Variants in TG observed in about 807,000 individuals in gnomAD.
The protein encoded by TG is thyroglobulin, also known as thyroid hormones.
A neutral mutation model predicts 324.7 loss-of-function variants in TG; 270 were observed. The ratio of observed to expected loss-of-function variants is 0.83; its 90% CI spans 0.75 to 0.92. The LOEUF (loss-of-function observed/expected upper bound fraction) is 0.92. TG is among the 40% of genes least tolerant of loss of function. TG has a pLI of 0.00. For synonymous variants in TG, 1,401 were observed against 1,327.0 expected, an observed-to-expected ratio of 1.06 and a Z score of -1.21; for missense variants, 3,591 against 3,456.4, an observed-to-expected ratio of 1.04 and a Z score of -0.98.
intron 44 of TG, among the ~76,000 whole-genome samples, chr8:133,114,132 G>A (rs1259028228): frequency 2.0e-5 from 3 of 152,218 alleles, no homozygotes; most frequent in African/African-American, 4.8e-5. Context: ...CACCCGGCAC[G>A]TGGGAAGCAG....
intron 41 of TG, among the ~76,000 whole-genome samples, chr8:133,077,450 T>C (rs1193374476): frequency 6.6e-6 from 1 of 151,922 alleles, no homozygotes; most frequent in African/African-American, 2.4e-5. Context: ...GCCCGGGGTG[T>C]TTATGACCCT....
Position 132,944,878 on chromosome 8 carries a change from T to A in TG, c.5233+3336T>A, listed in dbSNP as rs186498209. Among the ~76,000 whole-genome samples, 16 of 152,190 alleles carry A rather than the reference T, an allele frequency of 1.1e-4. No homozygotes were observed. The East Asian group carries it at 1.7e-3, about 17-fold the overall frequency. On this transcript the variant is annotated intron_variant, in intron 26 of 47. Coordinates refer to ENST00000220616, the MANE Select transcript of TG (RefSeq NM_003235.5). ...AGAGAAGAGGGAAGGTGATGTTAAA[T>A]GGAAAGAATAGCATATGCAAAGTCC...
intron 16 of TG, among the ~76,000 whole-genome samples, chr8:132,902,741 G>GGTCTGCA (rs1270425373): frequency 6.6e-6 from 1 of 152,184 alleles, no homozygotes; most frequent in African/African-American, 2.4e-5. Flanking sequence ...ATCTAGGAGT[G>GGTCTGCA]GTCTGCACTG....
At chr8:133,046,752 CTTTCTGTACCCCAGCATA>C (rs148988749) in intron 41 of TG, among the ~76,000 whole-genome samples, 3,678 of 152,310 alleles carry the variant, frequency 0.024, 145 homozygotes, top group African/African-American at 0.084. Context: ...TTGCATTGAT[CTTTCTGTACCCCAGCATA>C]TTTGGGTTTT....
At chr8:132,904,587 A>G (rs565371343) in intron 16 of TG, among the ~76,000 whole-genome samples, 1 of 152,186 alleles carries the variant, frequency 6.6e-6, no homozygotes, top group African/African-American at 2.4e-5. Context: ...TGACATGGGG[A>G]ATAAGGCTGT....
At chr8:132,894,039 C>A in intron 11 of TG, 110 bp downstream of exon 11, 2 of 1,550,460 alleles carry the variant, frequency 1.3e-6, no homozygotes, top group Non-Finnish European at 1.8e-6. Flanking sequence ...CTTCCCCAGA[C>A]TGATGGGTTC....
chr8:132,988,917 A>G (rs1564046044), intron 35 of TG: 9 of 984,370 alleles, frequency 9.1e-6, no homozygotes, highest in Non-Finnish European at 1.1e-5. Flanking sequence ...GTTCATTTTC[A>G]CGTTGCTCAT....
At chr8:132,911,026 T>C (rs1206057074) in intron 18 of TG, among the ~76,000 whole-genome samples, 5 of 152,158 alleles carry the variant, frequency 3.3e-5, no homozygotes, top group Admixed American at 6.5e-5. Flanking sequence ...GTGGATGCTA[T>C]AGGGGTTCGG....
intron 25 of TG, among the ~76,000 whole-genome samples, chr8:132,939,763 G>C (rs1174570593): frequency 6.6e-6 from 1 of 151,438 alleles, no homozygotes; most frequent in Non-Finnish European, 1.5e-5. Flanking sequence ...TGCAACCTCT[G>C]CCTCCCAGGT....
At chr8:133,029,708 GAGC>G in intron 40 of TG, 110 bp from the exon 41 acceptor site, 1 of 1,296,396 alleles carries the variant, frequency 7.7e-7, no homozygotes, top group African/African-American at 1.5e-5. Flanking sequence ...GTGAGGACAA[GAGC>G]CCAGAGCCCC....
intron 45 of TG, among the ~76,000 whole-genome samples, chr8:133,128,889 C>T (rs574375693): frequency 4.6e-5 from 7 of 152,330 alleles, no homozygotes; most frequent in Non-Finnish European, 8.8e-5. Context: ...GGCAATGAAG[C>T]CACATGAGCA....
intron 22 of TG, among the ~76,000 whole-genome samples, chr8:132,925,373 A>G (rs1228199739): frequency 6.6e-6 from 1 of 152,194 alleles, no homozygotes; most frequent in African/African-American, 2.4e-5. Context: ...ATATGCATGC[A>G]TAGCCTACCT....
chr8:132,945,633 T>C (rs1297709751), intron 26 of TG, among the ~76,000 whole-genome samples: 1 of 152,096 alleles, frequency 6.6e-6, no homozygotes, highest in Non-Finnish European at 1.5e-5. Flanking sequence ...TGCAGTTTTC[T>C]AGGAGGAGGG....
chr8:133,104,476 C>T (rs932285430), intron 43 of TG, among the ~76,000 whole-genome samples: 4 of 152,028 alleles, frequency 2.6e-5, no homozygotes, highest in Non-Finnish European at 4.4e-5. Context: ...GACATGGTCA[C>T]AGTAAAAAAT....
In TG at chr8:132,971,823, C is replaced by A; in HGVS notation, c.6005C>A (p.Ala2002Glu). The change falls in exon 33 of 48, where the codon GCG becomes GAG. Residue 2002 changes from alanine to glutamate, a missense_variant. By Grantham distance (107) the Ala-to-Glu change is moderately radical (BLOSUM62 -1). Transcript: ENST00000220616. ...GFFECERRCD[A>E]DPCCTGFGFL... Reference sequence around the variant, plus strand: ...TTTGAATGTGAACGACGGTGCGATGCGGACCCATGCTGCACTGGCTTTGGA... The same window carrying A: ...TTTGAATGTGAACGACGGTGCGATGAGGACCCATGCTGCACTGGCTTTGGA... 2 of 1,613,572 alleles carry A rather than the reference C, an allele frequency of 1.2e-6. No individual in the cohort carries two copies. Among genetic ancestry groups the A allele is most frequent in the South Asian group, 1.1e-5 (1 of 91,070 alleles).
rs1240993898 is a variant in TG, at chr8:133,012,053, C to T, written c.6397+18C>T. ...TTTGTCGGGTAAGGGGAGTTTCCAACCCACAGGTTGGGTGGGACAAAACCT... is the reference window on the plus strand; with the variant it reads ...TTTGTCGGGTAAGGGGAGTTTCCAATCCACAGGTTGGGTGGGACAAAACCT... On this transcript the variant is annotated intron_variant, in intron 36 of 47. Coordinates refer to ENST00000220616, the MANE Select transcript of TG (RefSeq NM_003235.5). The T allele has an allele frequency of 1.2e-6, 2 of 1,614,154 alleles. No individual in the cohort carries two copies. Among genetic ancestry groups the T allele is most frequent in the Non-Finnish European group, 1.7e-6 (2 of 1,180,020 alleles).
Position 132,972,627 on chromosome 8 carries a change from A to G in TG, c.6085A>G (p.Ser2029Gly), listed in dbSNP as rs776469447. The G allele has an allele frequency of 6.2e-7, 1 of 1,609,828 alleles. No homozygotes were observed. The highest frequency in any genetic ancestry group is 1.7e-5 in the Admixed American group (1 of 59,486). ...GGEVTCLTLN[S>G]LGIQMCSEEN... ...AGAGGTGACATGTCTCACTCTGAACAGCTTGGGAATTCAGATGTGCAGTGA... is the reference window on the plus strand; with the variant it reads ...AGAGGTGACATGTCTCACTCTGAACGGCTTGGGAATTCAGATGTGCAGTGA... Residue 2029 changes from serine (S) to glycine (G), a missense_variant, in exon 34 of 48, where the codon AGC becomes GGC. Ser to Gly is a moderately conservative substitution (Grantham distance 56). Coordinates refer to ENST00000220616, the MANE Select transcript of TG (RefSeq NM_003235.5).
chr8:133,023,691 C>A (rs1027461115), intron 40 of TG, among the ~76,000 whole-genome samples: 9 of 152,286 alleles, frequency 5.9e-5, no homozygotes, highest in Admixed American at 5.9e-4. Context: ...CCCAAGGAGC[C>A]TGGGCCTGGG....
chr8:132,873,371 G>T, intron 5 of TG, 150 bp downstream of exon 5: 2 of 1,088,266 alleles, frequency 1.8e-6, no homozygotes, highest in African/African-American at 1.6e-5. Context: ...GGCATCTAAA[G>T]TGCCACGGCG....
Sources: allele counts gnomAD v4.1 joint callset (sites outside exome capture counted in the v4.1 genomes callset), GRCh38; gene constraint gnomAD v4.1.1; transcripts MANE v1.5; gene names NCBI Gene and HGNC (gene_info 2026-07-23, HGNC 2026-07-21).